Variants in ZYG11B observed in about 807,000 individuals in gnomAD.
The protein encoded by ZYG11B is zyg-11 family member B, cell cycle regulator.
In ZYG11B, 36 loss-of-function variants were observed where a neutral mutation model predicts 82.4. That is an observed-to-expected ratio of 0.44 (90% CI 0.33 to 0.58). ZYG11B has a LOEUF of 0.58. ZYG11B is among the 20% of genes least tolerant of loss of function. ZYG11B has a pLI of 0.02. For synonymous variants in ZYG11B, 303 were observed against 312.8 expected (o/e 0.97, Z 0.33); for missense variants, 552 against 895.6 (o/e 0.62, Z 4.90).
At chr1:52,786,916 C>A (rs1262860936) in intron 5 of ZYG11B, among the ~76,000 whole-genome samples, 1 of 152,082 alleles carries the variant, frequency 6.6e-6, no homozygotes, top group Non-Finnish European at 1.5e-5. Flanking sequence ...CATGGAGAAA[C>A]CCTATCCCTA....
At chr1:52,796,459 C>A in intron 7 of ZYG11B, 68 bp downstream of exon 7, 1 of 1,315,306 alleles carries the variant, frequency 7.6e-7, no homozygotes, top group Non-Finnish European at 1.1e-6. Context: ...TGTTTCCCCC[C>A]AAAAGCTGTG....
chr1:52,785,845 A>AT lies in ZYG11B; in HGVS notation c.1269+794dup, dbSNP rs1206749312. ...AAACCAAGTAAAAATGGCAAGCCAC[A>AT]TTGGTGAGTAGATCATTGAAGCCAG... On this transcript the variant is annotated intron_variant, in intron 5 of 13. Transcript: ENST00000294353. Among the ~76,000 whole-genome samples, 7 of 152,310 alleles carry AT rather than the reference A, an allele frequency of 4.6e-5. No individual in the cohort carries two copies. In the South Asian group the frequency reaches 8.3e-4, roughly 18 times the overall value.
intron 1 of ZYG11B, among the ~76,000 whole-genome samples, chr1:52,736,072 A>G (rs1644376467): frequency 6.6e-6 from 1 of 152,144 alleles, no homozygotes; most frequent in African/African-American, 2.4e-5. Flanking sequence ...TGAACTCCTT[A>G]AGATCCTTGT....
At chr1:52,788,330 T>C (rs1028859388) in intron 5 of ZYG11B, among the ~76,000 whole-genome samples, 2 of 152,244 alleles carry the variant, frequency 1.3e-5, no homozygotes, top group African/African-American at 2.4e-5. Flanking sequence ...TCTTTCTCTT[T>C]TCCATTTCTA....
intron 10 of ZYG11B, chr1:52,805,426 T>C (rs937768853): frequency 2.2e-6 from 1 of 455,264 alleles, no homozygotes; most frequent in Non-Finnish European, 4.4e-6. Context: ...TGTCCAGTAA[T>C]AGAGGAATTA....
intron 12 of ZYG11B, among the ~76,000 whole-genome samples, chr1:52,815,374 C>T (rs1284555844): frequency 6.6e-6 from 1 of 152,132 alleles, no homozygotes; most frequent in Non-Finnish European, 1.5e-5. Flanking sequence ...ATGGCATACA[C>T]CTGTAGTCCC....
chr1:52,810,677 T>C (rs1645174715), intron 10 of ZYG11B, among the ~76,000 whole-genome samples: 1 of 152,180 alleles, frequency 6.6e-6, no homozygotes, highest in African/African-American at 2.4e-5. Context: ...TTCAGGCAGA[T>C]GTGTAAATCT....
chr1:52,728,193 C>T (rs1644300954), intron 1 of ZYG11B, among the ~76,000 whole-genome samples: 1 of 152,132 alleles, frequency 6.6e-6, no homozygotes, highest in Non-Finnish European at 1.5e-5. Context: ...GTCTCATTTC[C>T]CACCTGACTA....
In ZYG11B at chr1:52,771,013, T is replaced by A; in HGVS notation, c.197-7T>A. 1 of 1,586,996 alleles carries A rather than the reference T, an allele frequency of 6.3e-7. No individual in the cohort carries two copies. Among genetic ancestry groups the A allele is most frequent in the Non-Finnish European group, 8.6e-7 (1 of 1,164,606 alleles). ...TTGAATTTAAAACGCTGCTTGTTTT[T>A]CCACAGGTCTATTGAATGATGGAAC... On this transcript the variant is annotated splice_polypyrimidine_tract_variant and splice_region_variant and intron_variant, in intron 2 of 13. Transcript: ENST00000294353. This position sits in a 1 kb window ranked among gnomAD's most constrained non-coding sequence, Gnocchi z 5.4.
rs191360599 is a variant in ZYG11B, at chr1:52,756,272, C to G, written c.31-186C>G. Among the ~76,000 whole-genome samples, 12 of 152,256 alleles carry G rather than the reference C, an allele frequency of 7.9e-5. No homozygotes were observed. The East Asian group carries it at 2.3e-3, about 29-fold the overall frequency. ...TATGTAAATGTTTGTTTCAGTGTTT[C>G]ACTTCTATTGCTTCTTGAGAACATA... On this transcript the variant is annotated intron_variant, in intron 1 of 13. Transcript: ENST00000294353.
At chr1:52,732,830 C>T (rs543989256) in intron 1 of ZYG11B, among the ~76,000 whole-genome samples, 14 of 151,198 alleles carry the variant, frequency 9.3e-5, no homozygotes, top group East Asian at 3.9e-4. Context: ...AAAAATTAGC[C>T]GAGCGTGGTG....
chr1:52,742,618 G>A (rs978426118), intron 1 of ZYG11B, among the ~76,000 whole-genome samples: 6 of 152,036 alleles, frequency 3.9e-5, no homozygotes, highest in Non-Finnish European at 8.8e-5. Flanking sequence ...GGAGGCGGGC[G>A]GATCACGAGG....
intron 4 of ZYG11B, among the ~76,000 whole-genome samples, chr1:52,783,920 A>ACACG (rs1443054536): frequency 1.8e-5 from 1 of 55,988 alleles, no homozygotes; most frequent in Non-Finnish European, 3.3e-5. Flanking sequence ...ATCTATACAT[A>ACACG]TATGTGTATA....
In ZYG11B at chr1:52,826,843, G is replaced by A. The variant is rs1030795016; in HGVS notation, c.*5214G>A. The stretch of plus-strand genomic sequence containing the variant: ...ATGTGTTTAATTTTGGACTTATTTT[G>A]GGAAAAACTGTTCAAATTGGGTCCT... On this transcript the variant is annotated 3_prime_UTR_variant, in exon 14 of 14. Transcript: ENST00000294353. 2 of 152,086 alleles carry A rather than the reference G, an allele frequency of 1.3e-5. No individual in the cohort carries two copies. The allele number at this position is 152,086 out of a possible 1,614,324, so 9.4% of individuals were successfully genotyped here. A position where few individuals can be genotyped will look rare whatever the true frequency, so the allele number is the denominator to read the frequency against.
At chr1:52,792,079 A>T (rs1206587725) in intron 6 of ZYG11B, among the ~76,000 whole-genome samples, 2 of 152,204 alleles carry the variant, frequency 1.3e-5, no homozygotes, top group East Asian at 3.9e-4. Context: ...CAAAACAGGC[A>T]GCCAGATCCA....
chr1:52,821,586 G>A lies in ZYG11B; in HGVS notation c.2192G>A (p.Arg731Lys). The change falls in exon 14 of 14, where the codon AGG becomes AAG. Residue 731 changes from arginine (R) to lysine (K), a missense_variant. This residue lies in a region of ZYG11B where 127 missense variants were observed against 163.4 expected (regional missense o/e 0.78). Coordinates refer to ENST00000294353, the MANE Select transcript of ZYG11B (RefSeq NM_024646.3). ...SLEKHIVRHG[R>K]PPPCKKQPQA... ...GAAAAACACATTGTGCGCCATGGGAGGCCACCTCCCTGTAAAAAACAGCCC... is the reference window on the plus strand; with the variant it reads ...GAAAAACACATTGTGCGCCATGGGAAGCCACCTCCCTGTAAAAAACAGCCC... 2.5e-6 allele frequency: 4 copies of A among 1,613,912 alleles called. No homozygotes were observed. The highest frequency in any genetic ancestry group is 3.4e-6 in the Non-Finnish European group (4 of 1,179,924).
chr1:52,797,176 A>G (rs1171074988), intron 8 of ZYG11B, among the ~76,000 whole-genome samples: 3 of 70,058 alleles, frequency 4.3e-5, no homozygotes, highest in Non-Finnish European at 7.0e-5. Context: ...TATATTATAT[A>G]TATTTATATA....
intron 10 of ZYG11B, 39 bp from the exon 11 acceptor site, chr1:52,813,497 A>T: frequency 6.8e-7 from 1 of 1,473,870 alleles, no homozygotes; most frequent in Non-Finnish European, 9.2e-7. Context: ...TTTACTATAC[A>T]TATTACATTA....
intron 10 of ZYG11B, among the ~76,000 whole-genome samples, chr1:52,804,061 AC>A (rs1645120823): frequency 6.6e-6 from 1 of 151,440 alleles, no homozygotes; most frequent in Non-Finnish European, 1.5e-5. Context: ...GCAACGAAGC[AC>A]AACCCCATCT....
Sources: gnomAD v4.1 joint callset for allele counts (sites outside exome capture counted in the v4.1 genomes callset) on GRCh38, gnomAD v4.1.1 for gene constraint, gnomAD v4.1.1 regional missense constraint, Gnocchi (gnomAD v3.1) non-coding constraint, MANE v1.5 for transcripts, NCBI Gene and HGNC (gene_info 2026-07-23, HGNC 2026-07-21) for gene names.